The following IQGAP3 variants were observed in gnomAD, a reference collection of about 807,000 sequenced individuals.
IQGAP3 encodes ras GTPase-activating-like protein IQGAP3.
Under a neutral mutation model 208.2 loss-of-function variants are expected in IQGAP3, and 165 were observed. The ratio of observed to expected loss-of-function variants is 0.79; its 90% CI spans 0.70 to 0.90. IQGAP3 has a LOEUF of 0.90. IQGAP3 is among the 40% of genes least tolerant of loss of function. The pLI is 0.00. For missense variants in IQGAP3, 1,811 were observed against 2,043.1 expected (o/e 0.89, Z 2.19); for synonymous variants, 703 against 803.6 (o/e 0.87, Z 2.12).
chr1:156,540,638 G>A (rs989794070), intron 23 of IQGAP3, 70 bp downstream of exon 23: 8 of 1,381,518 alleles, frequency 5.8e-6, no homozygotes, highest in African/African-American at 2.9e-5. Context: ...TTAGCAAGCA[G>A]AGAATGGTCA....
At position 156,544,448 on chromosome 1, in the gene IQGAP3, G is replaced by T. The variant is rs757525039; in HGVS notation, c.2329C>A (p.Arg777=). The T allele has an allele frequency of 5.6e-6, 9 of 1,613,906 alleles. No individual in the cohort carries two copies. Among genetic ancestry groups the T allele is most frequent in the Non-Finnish European group, 5.1e-6 (6 of 1,179,838 alleles). Residue 777 remains arginine (R), a synonymous_variant, in exon 20 of 38, where the codon CGG becomes AGG. Coordinates refer to ENST00000361170, the MANE Select transcript of IQGAP3 (RefSeq NM_178229.5). ...TGCAACCACTCCAGGTAAATCTTCC[G>T]CTGCCTATAACCCCGCCAATGAGCC... ...IQAHWRGYRQ[R]KIYLEWLQYF... is the part of the protein sequence containing the mutation.
At chr1:156,552,247 C>T (rs1343684197) in intron 13 of IQGAP3, 152 bp from the exon 14 acceptor site, 2 of 975,522 alleles carry the variant, frequency 2.1e-6, no homozygotes, top group Non-Finnish European at 1.5e-6. Flanking sequence ...CTTTCTGAGA[C>T]ACCTCTGCTG....
chr1:156,548,119 T>A lies in IQGAP3; in HGVS notation c.2258A>T (p.His753Leu). 1.2e-6 allele frequency: 2 copies of A among 1,613,890 alleles called. No individual in the cohort carries two copies. The highest frequency in any genetic ancestry group is 1.7e-6 in the Non-Finnish European group (2 of 1,179,874). ...GAGCCAGGTCCTCAGAAAGTGGGAA[T>A]GCTCAGCAAACTTCTGCCGAACTAG... is the stretch of plus-strand genomic sequence containing the variant. ...GFLVRQKFAE[H>L]SHFLRTWLPA... The change falls in exon 19 of 38, where the codon CAT becomes CTT. Residue 753 changes from histidine (H) to leucine (L), a missense_variant. By Grantham distance (99) the His-to-Leu change is moderately conservative (BLOSUM62 -3). Coordinates refer to ENST00000361170, the MANE Select transcript of IQGAP3 (RefSeq NM_178229.5).
chr1:156,564,774 CT>C, intron 4 of IQGAP3, 83 bp from the exon 5 acceptor site: 1 of 943,418 alleles, frequency 1.1e-6, no homozygotes, highest in Non-Finnish European at 1.7e-6. Flanking sequence ...AGGAATGGGT[CT>C]TCCTCTCCAA....
chr1:156,537,912 G>C (rs114021883), intron 26 of IQGAP3, among the ~76,000 whole-genome samples: 8,666 of 146,496 alleles, frequency 0.059, 346 homozygotes, highest in Middle Eastern at 0.11. Context: ...TTTTTTTTGC[G>C]GGGGGACAGA....
At chr1:156,552,151 G>T in intron 13 of IQGAP3, 56 bp from the exon 14 acceptor site, 2 of 1,592,638 alleles carry the variant, frequency 1.3e-6, no homozygotes, top group East Asian at 2.2e-5. Context: ...TCAGCCAGAA[G>T]TCAGGGGAAA....
At chr1:156,549,775 C>G (rs1290720903) in intron 16 of IQGAP3, among the ~76,000 whole-genome samples, 1 of 152,182 alleles carries the variant, frequency 6.6e-6, no homozygotes, top group Non-Finnish European at 1.5e-5. Flanking sequence ...CAGGGAGACC[C>G]CAGCCACTGA....
intron 27 of IQGAP3, among the ~76,000 whole-genome samples, chr1:156,535,687 G>C (rs59795216): frequency 6.6e-6 from 1 of 152,198 alleles, no homozygotes; most frequent in Non-Finnish European, 1.5e-5. Flanking sequence ...AGTCAACCTT[G>C]TCAGCTGTCA....
At chr1:156,557,888 G>A (rs1675941901) in intron 11 of IQGAP3, among the ~76,000 whole-genome samples, 1 of 5,736 alleles carries the variant, frequency 1.7e-4, no homozygotes, top group African/African-American at 3.4e-4. Flanking sequence ...GAAGTGAGGA[G>A]CCCCTCTGCC....
chr1:156,569,275 A>G, intron 2 of IQGAP3, 101 bp downstream of exon 2: 1 of 723,964 alleles, frequency 1.4e-6, no homozygotes, highest in Middle Eastern at 3.7e-4. Context: ...TTCCCACAGG[A>G]TGGACTCTCG....
In IQGAP3 at chr1:156,562,596, G is replaced by A. The variant is rs2102436635; in HGVS notation, c.868C>T (p.His290Tyr). 1.2e-6 allele frequency: 2 copies of A among 1,613,746 alleles called. No homozygotes were observed. Among genetic ancestry groups the A allele is most frequent in the Non-Finnish European group, 8.5e-7 (1 of 1,179,672 alleles). ...TQAEIQGNIN[H>Y]VNVHGALEVV... is the part of the protein sequence containing the mutation. ...GCTCGAGGTCTCTTACCGTTGACAT[G>A]GTTGATATTGCCCTGGATTTCAGCC... is the stretch of plus-strand genomic sequence containing the variant. Residue 290 changes from histidine (H) to tyrosine (Y), a missense_variant, in exon 9 of 38, where the codon CAT becomes TAT. By Grantham distance (83) the His-to-Tyr change is moderately conservative. Coordinates refer to ENST00000361170, the MANE Select transcript of IQGAP3 (RefSeq NM_178229.5).
At position 156,556,644 on chromosome 1, in the gene IQGAP3, C is replaced by T. The variant is rs775070264; in HGVS notation, c.1179G>A (p.Ala393=). Residue 393 remains alanine (A), a synonymous_variant, in exon 12 of 38, where the codon GCG becomes GCA. Coordinates refer to ENST00000361170, the MANE Select transcript of IQGAP3 (RefSeq NM_178229.5). ...ACATCAGCTCCTTCACAGTGTCAGC[C>T]GCCACTCTCCTCCGGATGGCTTTGT... is the stretch of plus-strand genomic sequence containing the variant. ...RINKAIRRRV[A]ADTVKELMCP... 22 of 1,608,514 alleles carry T rather than the reference C, an allele frequency of 1.4e-5. No individual in the cohort carries two copies. Among genetic ancestry groups the T allele is most frequent in the East Asian group, 8.9e-5 (4 of 44,714 alleles).
chr1:156,551,471 C>T (rs1675542381), intron 15 of IQGAP3, among the ~76,000 whole-genome samples: 1 of 152,176 alleles, frequency 6.6e-6, no homozygotes, highest in Non-Finnish European at 1.5e-5. Context: ...CACTAAGGGT[C>T]AGAGTGGGAA....
rs1557921246 is a variant in IQGAP3, at chr1:156,535,150, A to T, written c.3507+13T>A. 6.3e-7 allele frequency: 1 copy of T among 1,593,392 alleles called. No individual in the cohort carries two copies. The highest frequency in any genetic ancestry group is 1.3e-5 in the African/African-American group (1 of 74,384). ...GAGGGATTGGGAGGTGGGGGTGGGG[A>T]GACAACACTTGCCTTATAGACCTCG... On this transcript the variant is annotated intron_variant, in intron 28 of 37. Transcript: ENST00000361170.
intron 11 of IQGAP3, among the ~76,000 whole-genome samples, chr1:156,557,501 C>T: frequency 1.9e-5 from 1 of 52,358 alleles, no homozygotes; most frequent in Non-Finnish European, 4.4e-5. Context: ...CTCTGCCCGG[C>T]TGCCCCTACT....
Position 156,551,826 on chromosome 1 carries a change from C to T in IQGAP3, c.1613G>A (p.Gly538Asp). 1 of 1,613,086 alleles carries T rather than the reference C, an allele frequency of 6.2e-7. No homozygotes were observed. The stretch of plus-strand genomic sequence containing the variant: ...GGCAGACAGAGTCTTCTCAGGGCTG[C>T]CTTTGTCCAGAGCCTCATTGATGAG... ...VSLINEALDK[G>D]SPEKTLSALL... Residue 538 changes from glycine (G) to aspartate (D), a missense_variant, in exon 15 of 38, where the codon GGC becomes GAC. By Grantham distance (94) the Gly-to-Asp change is moderately conservative. Coordinates refer to ENST00000361170, the MANE Select transcript of IQGAP3 (RefSeq NM_178229.5).
chr1:156,569,280 C>T, intron 2 of IQGAP3, 96 bp downstream of exon 2: 2 of 756,980 alleles, frequency 2.6e-6, no homozygotes, highest in South Asian at 1.6e-5. Context: ...ACAGGATGGA[C>T]TCTCGATCTG....
intron 27 of IQGAP3, 111 bp downstream of exon 27, chr1:156,537,070 T>C: frequency 4.1e-6 from 5 of 1,208,982 alleles, no homozygotes; most frequent in Non-Finnish European, 5.8e-6. Flanking sequence ...CCTGGCTCCA[T>C]CTCCCTCCCT....
intron 15 of IQGAP3, 136 bp from the exon 16 acceptor site, chr1:156,550,487 T>G: frequency 1.5e-6 from 1 of 663,624 alleles, no homozygotes; most frequent in Non-Finnish European, 2.7e-6. Context: ...CTCAGCTCTC[T>G]GCCCTGTGTG....
Sources: allele counts gnomAD v4.1 joint callset (sites outside exome capture counted in the v4.1 genomes callset), GRCh38; gene constraint gnomAD v4.1.1; transcripts MANE v1.5; gene names NCBI Gene and HGNC (gene_info 2026-07-23, HGNC 2026-07-21).